The following ADAMTSL3 variants were observed in gnomAD, a reference collection of about 807,000 sequenced individuals.
ADAMTSL3 encodes ADAMTS-like protein 3.
A neutral mutation model predicts 201.7 loss-of-function variants in ADAMTSL3; 128 were observed. The ratio of observed to expected loss-of-function variants is 0.63; its 90% confidence interval spans 0.55 to 0.73. ADAMTSL3 has a LOEUF of 0.73. Among genes scored for constraint, ADAMTSL3 ranks in the 30% least tolerant of loss-of-function variants. ADAMTSL3 has a pLI of 0.00. For synonymous variants in ADAMTSL3, 738 were observed against 748.4 expected (o/e 0.99, Z 0.23); for missense variants, 1,990 against 2,119.6 (o/e 0.94, Z 1.20).
At chr15:83,783,780 A>AT (rs1224725714) in intron 4 of ADAMTSL3, among the ~76,000 whole-genome samples, 1 of 151,894 alleles carries the variant, frequency 6.6e-6, no homozygotes, top group African/African-American at 2.4e-5. Context: ...GCAAGCTGCC[A>AT]TTTAAGAAGT....
At chr15:83,876,537 A>T (rs1446369570) in intron 9 of ADAMTSL3, among the ~76,000 whole-genome samples, 1 of 152,090 alleles carries the variant, frequency 6.6e-6, no homozygotes, top group Non-Finnish European at 1.5e-5. Flanking sequence ...TTAACTTTAT[A>T]CTTAGTGCTG....
At chr15:83,658,590 C>G (rs1467807009) in intron 2 of ADAMTSL3, among the ~76,000 whole-genome samples, 1 of 152,226 alleles carries the variant, frequency 6.6e-6, no homozygotes, top group East Asian at 1.9e-4. Context: ...GGAGCGGCCT[C>G]CCCTCTTCCT....
At chr15:83,900,727 T>C (rs2065707120) in intron 15 of ADAMTSL3, among the ~76,000 whole-genome samples, 1 of 152,232 alleles carries the variant, frequency 6.6e-6, no homozygotes, top group Non-Finnish European at 1.5e-5. Flanking sequence ...CAACCCGTTA[T>C]TTGCAAGATC....
At position 83,677,418 on chromosome 15, in the gene ADAMTSL3, T is replaced by G. The variant is rs1304896095; in HGVS notation, c.69+21588T>G. Among the ~76,000 whole-genome samples, 4 of 152,102 alleles carry G rather than the reference T, an allele frequency of 2.6e-5. No homozygotes were observed. In the East Asian group the frequency reaches 7.7e-4, roughly 29 times the overall value. ...TCATTGAGTATAATTTTTCTTTCAG[T>G]TTTATCAGTTTTTGCTTCAAATATT... On this transcript the variant is annotated intron_variant, in intron 2 of 29. Coordinates refer to ENST00000286744, the MANE Select transcript of ADAMTSL3 (RefSeq NM_207517.3).
intron 6 of ADAMTSL3, among the ~76,000 whole-genome samples, chr15:83,834,975 T>C (rs141092297): frequency 0.047 from 7,165 of 152,198 alleles, 223 homozygotes; most frequent in East Asian, 0.2. Flanking sequence ...TGGTTCACGC[T>C]TGTAATCCCA....
At chr15:84,018,979 A>G (rs1163243003) in intron 25 of ADAMTSL3, among the ~76,000 whole-genome samples, 2 of 152,116 alleles carry the variant, frequency 1.3e-5, no homozygotes, top group Non-Finnish European at 2.9e-5. Context: ...AGACTGGGAA[A>G]AATATTGGCA....
chr15:83,781,295 A>G (rs1480174671), intron 4 of ADAMTSL3, among the ~76,000 whole-genome samples: 1 of 152,208 alleles, frequency 6.6e-6, no homozygotes, highest in Admixed American at 6.5e-5. Flanking sequence ...TAGAAAACCT[A>G]GAAATAAGGC....
chr15:83,942,136 GT>G (rs1410973896), intron 17 of ADAMTSL3, among the ~76,000 whole-genome samples: 3 of 152,204 alleles, frequency 2.0e-5, no homozygotes, highest in African/African-American at 7.2e-5. Context: ...TTATATATAT[GT>G]TGTAAATCCA....
At chr15:83,726,195 A>G (rs2062172482) in intron 3 of ADAMTSL3, among the ~76,000 whole-genome samples, 1 of 151,874 alleles carries the variant, frequency 6.6e-6, no homozygotes, top group African/African-American at 2.4e-5. Flanking sequence ...TCTTTTTCAG[A>G]TAGTTTGCTA....
chr15:83,705,261 G>A (rs1005350128), intron 3 of ADAMTSL3, among the ~76,000 whole-genome samples: 5 of 152,108 alleles, frequency 3.3e-5, no homozygotes, highest in South Asian at 2.1e-4. Context: ...GTAGGGCCTG[G>A]GTGGATCTGG....
At chr15:83,835,421 GAATTGTAACTTAAA>G (rs569914814) in intron 6 of ADAMTSL3, among the ~76,000 whole-genome samples, 22 of 152,156 alleles carry the variant, frequency 1.4e-4, no homozygotes, top group African/African-American at 5.3e-4. Context: ...ACATTTGGAT[GAATTGTAACTTAAA>G]AAAAATTATG....
intron 2 of ADAMTSL3, among the ~76,000 whole-genome samples, chr15:83,703,010 A>T (rs1253223688): frequency 6.6e-6 from 1 of 152,120 alleles, no homozygotes; most frequent in African/African-American, 2.4e-5. Context: ...GTTGCCCAAG[A>T]CCATGAGAAC....
At chr15:83,970,349 C>T in intron 19 of ADAMTSL3, 135 bp from the exon 20 acceptor site, 2 of 944,450 alleles carry the variant, frequency 2.1e-6, no homozygotes, top group East Asian at 2.4e-5. Flanking sequence ...GATGTTCAAG[C>T]CTAGGAAATG....
intron 7 of ADAMTSL3, among the ~76,000 whole-genome samples, chr15:83,857,812 A>C (rs1176167265): frequency 1.3e-5 from 2 of 152,238 alleles, no homozygotes; most frequent in Non-Finnish European, 1.5e-5. Flanking sequence ...TATCCAAAAA[A>C]AATTGTTTTG....
chr15:83,988,994 G>A (rs1297096300), intron 22 of ADAMTSL3, among the ~76,000 whole-genome samples, 176 bp downstream of exon 22: 3 of 151,654 alleles, frequency 2.0e-5, no homozygotes, highest in Admixed American at 2.0e-4. Flanking sequence ...CCATTCTCCA[G>A]CCTCAGCCTC....
chr15:83,688,751 T>TACACACACACACACAC lies in ADAMTSL3; in HGVS notation c.70-15637_70-15636insCACACACACACACACA, dbSNP rs1555430321. Among the ~76,000 whole-genome samples, 688 of 114,644 alleles carry TACACACACACACACAC rather than the reference T, an allele frequency of 6.0e-3. 6 individuals carry two copies. The highest frequency in any genetic ancestry group is 0.016 in the East Asian group (64 of 3,990). 75.2% of individuals were successfully genotyped at this position (114,644 alleles called of 152,430 possible). A position where few individuals can be genotyped will look rare whatever the true frequency, so the allele number is the denominator to read the frequency against. ...CTAGTGTTAAGTATACACATGCATA[T>TACACACACACACACAC]ATATACACACACACACACACACACA... is the stretch of plus-strand genomic sequence containing the variant. On this transcript the variant is annotated intron_variant, in intron 2 of 29. Coordinates refer to ENST00000286744, the MANE Select transcript of ADAMTSL3 (RefSeq NM_207517.3).
At chr15:83,815,875 G>C (rs2063763510) in intron 5 of ADAMTSL3, among the ~76,000 whole-genome samples, 1 of 152,176 alleles carries the variant, frequency 6.6e-6, no homozygotes, top group Non-Finnish European at 1.5e-5. Flanking sequence ...GACCTACCTA[G>C]TTCAAAGGGT....
At chr15:83,691,765 C>T (rs1383701988) in intron 2 of ADAMTSL3, among the ~76,000 whole-genome samples, 1 of 152,172 alleles carries the variant, frequency 6.6e-6, no homozygotes, top group African/African-American at 2.4e-5. Context: ...CAGGCGCCTG[C>T]CACCATGCCC....
chr15:84,020,870 G>A (rs1441066261), intron 25 of ADAMTSL3, among the ~76,000 whole-genome samples: 1 of 152,220 alleles, frequency 6.6e-6, no homozygotes, highest in Non-Finnish European at 1.5e-5. Flanking sequence ...AATTATTTAT[G>A]CAGTCACAGG....
Sources: gnomAD v4.1 joint callset for allele counts (sites outside exome capture counted in the v4.1 genomes callset) on GRCh38, gnomAD v4.1.1 for gene constraint, MANE v1.5 for transcripts, NCBI Gene and HGNC (gene_info 2026-07-23, HGNC 2026-07-21) for gene names.